Variants in KCNIP4 observed in about 807,000 individuals in gnomAD.
KCNIP4 encodes Kv channel-interacting protein 4.
In KCNIP4, 12 loss-of-function variants were observed where a neutral mutation model predicts 34.0. That is an observed-to-expected ratio of 0.35 (90% CI 0.23 to 0.57). KCNIP4 has a LOEUF of 0.57. Ranked by LOEUF, KCNIP4 falls within the 20% of genes least tolerant of loss-of-function variation. The pLI is 0.83. For synonymous variants in KCNIP4, 124 were observed against 102.2 expected, an observed-to-expected ratio of 1.21 and a Z score of -1.29; for missense variants, 238 against 311.7, an observed-to-expected ratio of 0.76 and a Z score of 1.78.
intron 1 of KCNIP4, among the ~76,000 whole-genome samples, chr4:21,034,223 T>C (rs76233202): frequency 1.3e-5 from 2 of 152,282 alleles, no homozygotes; most frequent in African/African-American, 4.8e-5. Context: ...CCCTAAACCC[T>C]AGAATTCTAG....
intron 1 of KCNIP4, among the ~76,000 whole-genome samples, chr4:21,835,005 T>C (rs1459071537): frequency 6.6e-6 from 1 of 151,980 alleles, no homozygotes; most frequent in Admixed American, 6.5e-5. Context: ...CAGTATTTTA[T>C]TGAGGATTTT....
At chr4:21,250,685 G>T (rs1359581022) in intron 1 of KCNIP4, among the ~76,000 whole-genome samples, 2 of 151,918 alleles carry the variant, frequency 1.3e-5, no homozygotes, top group East Asian at 3.9e-4. Context: ...TGGGATGGAG[G>T]ATTTAACAGA....
At chr4:21,177,302 G>A (rs1232971336) in intron 1 of KCNIP4, among the ~76,000 whole-genome samples, 1 of 152,084 alleles carries the variant, frequency 6.6e-6, no homozygotes, top group Non-Finnish European at 1.5e-5. Flanking sequence ...TTAGCTTTTT[G>A]GAGTTTTAAT....
intron 1 of KCNIP4, among the ~76,000 whole-genome samples, chr4:21,675,914 T>C (rs1425634585): frequency 6.6e-6 from 1 of 152,174 alleles, no homozygotes; most frequent in East Asian, 1.9e-4. Flanking sequence ...CCTGGAGGAC[T>C]TGTGATCTAG....
intron 1 of KCNIP4, among the ~76,000 whole-genome samples, chr4:21,103,099 G>T (rs1015539118): frequency 6.6e-6 from 1 of 151,850 alleles, no homozygotes; most frequent in Non-Finnish European, 1.5e-5. Context: ...ATCAAATGGG[G>T]TGATAGATAT....
intron 1 of KCNIP4, among the ~76,000 whole-genome samples, chr4:20,919,702 C>CA (rs573617142): frequency 0.14 from 7,673 of 56,386 alleles, 474 homozygotes; most frequent in East Asian, 0.22. Flanking sequence ...GACTCCGTCT[C>CA]AAAAAAAAAA....
At chr4:20,819,429 A>G (rs760378210) in intron 3 of KCNIP4, among the ~76,000 whole-genome samples, 1 of 152,188 alleles carries the variant, frequency 6.6e-6, no homozygotes, top group African/African-American at 2.4e-5. Context: ...GCACTATGGC[A>G]TAAGAGAGAG....
chr4:21,616,193 T>C (rs1169288972), intron 1 of KCNIP4, among the ~76,000 whole-genome samples: 1 of 152,148 alleles, frequency 6.6e-6, no homozygotes, highest in Non-Finnish European at 1.5e-5. Flanking sequence ...GGTCTCCCAT[T>C]CCCTGAAGTG....
At chr4:20,735,530 GTTTTT>G (rs10542507) in intron 5 of KCNIP4, among the ~76,000 whole-genome samples, 2 of 109,710 alleles carry the variant, frequency 1.8e-5, no homozygotes, top group Non-Finnish European at 1.8e-5. Context: ...TTTTTTTTTT[GTTTTT>G]TTTTTTTTTT....
chr4:21,251,288 T>G (rs1182646639), intron 1 of KCNIP4, among the ~76,000 whole-genome samples: 1 of 152,184 alleles, frequency 6.6e-6, no homozygotes, highest in Non-Finnish European at 1.5e-5. Flanking sequence ...GAGGAGATCT[T>G]TATTTTCATC....
chr4:21,316,258 T>C (rs1713748524), intron 1 of KCNIP4: 1 of 152,192 alleles, frequency 6.6e-6, no homozygotes, highest in Non-Finnish European at 1.5e-5. Context: ...AAGGGCCATA[T>C]CTGATTTATA....
At chr4:21,838,279 C>T (rs1723469597) in intron 1 of KCNIP4, among the ~76,000 whole-genome samples, 1 of 152,112 alleles carries the variant, frequency 6.6e-6, no homozygotes, top group African/African-American at 2.4e-5. Flanking sequence ...GTCCGGAGGC[C>T]AGAGTGCCAG....
At chr4:21,713,492 A>T (rs1390102011) in intron 1 of KCNIP4, among the ~76,000 whole-genome samples, 1 of 152,206 alleles carries the variant, frequency 6.6e-6, no homozygotes, top group Non-Finnish European at 1.5e-5. Context: ...ATAGTTGTAT[A>T]TTTTTATGGG....
intron 1 of KCNIP4, among the ~76,000 whole-genome samples, chr4:21,462,765 T>TTG (rs57124779): frequency 0.039 from 5,632 of 145,628 alleles, 155 homozygotes; most frequent in Admixed American, 0.079. Context: ...TAGTATTCCA[T>TTG]TGTGTGTGTG....
chr4:20,759,566 C>A (rs1754773566), intron 3 of KCNIP4, among the ~76,000 whole-genome samples: 3 of 152,088 alleles, frequency 2.0e-5, no homozygotes, highest in Admixed American at 2.0e-4. Flanking sequence ...GGGAACTACA[C>A]CCATGTTGGA....
chr4:21,689,771 C>T (rs1414390395), intron 1 of KCNIP4, among the ~76,000 whole-genome samples: 6 of 152,070 alleles, frequency 3.9e-5, no homozygotes, highest in Non-Finnish European at 7.4e-5. Flanking sequence ...CAAACCTTGG[C>T]ACAGTACTTC....
At chr4:21,447,104 C>G (rs142028266) in intron 1 of KCNIP4, among the ~76,000 whole-genome samples, 133 of 152,226 alleles carry the variant, frequency 8.7e-4, no homozygotes, top group African/African-American at 3.0e-3. Context: ...TTAGCCAATT[C>G]TTTAAAATAA....
intron 1 of KCNIP4, among the ~76,000 whole-genome samples, chr4:21,013,461 A>T (rs1739241821): frequency 6.6e-6 from 1 of 151,948 alleles, no homozygotes; most frequent in African/African-American, 2.4e-5. Context: ...GACACCAGGC[A>T]TGGGGTCGAC....
intron 1 of KCNIP4, among the ~76,000 whole-genome samples, chr4:20,975,913 AC>A (rs1342444663): frequency 1.3e-5 from 2 of 152,232 alleles, no homozygotes; most frequent in Non-Finnish European, 2.9e-5. Context: ...AAGAGCATCT[AC>A]AATGTTTTAT....
Sources: allele counts gnomAD v4.1 joint callset (sites outside exome capture counted in the v4.1 genomes callset), GRCh38; gene constraint gnomAD v4.1.1; transcripts MANE v1.5; gene names NCBI Gene and HGNC (gene_info 2026-07-23, HGNC 2026-07-21).